PPP2R2B: variants seen among roughly 807,000 people sequenced by gnomAD.
PPP2R2B encodes the protein serine/threonine-protein phosphatase 2A 55 kDa regulatory subunit B beta isoform.
PPP2R2B carries 5 observed loss-of-function variants against 46.0 expected under a neutral mutation model. The observed-to-expected ratio is 0.11, with a 90% confidence interval of 0.06 to 0.23. The LOEUF (loss-of-function observed/expected upper bound fraction) is 0.23, where lower values mean the gene tolerates loss of function less well. Ranked by LOEUF, PPP2R2B falls within the 10% of genes least tolerant of loss-of-function variation. The pLI, the probability that PPP2R2B is intolerant of heterozygous loss-of-function variation, is 1.00. For missense variants in PPP2R2B, 367 were observed against 575.0 expected, an observed-to-expected ratio of 0.64 and a Z score of 3.70; for synonymous variants, 215 against 206.7, an observed-to-expected ratio of 1.04 and a Z score of -0.34.
intron 1 of PPP2R2B, among the ~76,000 whole-genome samples, chr5:146,911,004 AT>A (rs1161624377): frequency 6.6e-6 from 1 of 151,784 alleles, no homozygotes; most frequent in Non-Finnish European, 1.5e-5. Context: ...CCCTTTTCAT[AT>A]AGTTAACTCT....
At chr5:146,747,244 A>G (rs561810215) in intron 2 of PPP2R2B, among the ~76,000 whole-genome samples, 3 of 152,280 alleles carry the variant, frequency 2.0e-5, no homozygotes, top group Admixed American at 2.0e-4. Context: ...TAGCTGTGAG[A>G]CCATCCTGGG....
chr5:146,933,772 A>G (rs894890996), intron 1 of PPP2R2B, among the ~76,000 whole-genome samples: 3 of 150,426 alleles, frequency 2.0e-5, no homozygotes, highest in African/African-American at 4.9e-5. Flanking sequence ...ATGCTGGTGC[A>G]CTGCACCCAC....
intron 1 of PPP2R2B, among the ~76,000 whole-genome samples, chr5:147,031,545 A>C (rs189011662): frequency 1.3e-5 from 2 of 151,980 alleles, no homozygotes; most frequent in East Asian, 3.9e-4. Flanking sequence ...AATGGTTTTC[A>C]TAAATTTTAG....
At chr5:146,784,691 T>C (rs529001750) in intron 2 of PPP2R2B, among the ~76,000 whole-genome samples, 2 of 152,338 alleles carry the variant, frequency 1.3e-5, no homozygotes, top group East Asian at 3.9e-4. Context: ...TTTCTTTTTG[T>C]GTGGCTCTCA....
chr5:146,654,442 T>C (rs1776186186), intron 5 of PPP2R2B, among the ~76,000 whole-genome samples: 1 of 152,200 alleles, frequency 6.6e-6, no homozygotes, highest in Non-Finnish European at 1.5e-5. Flanking sequence ...TTGTGAAATA[T>C]CAGCAATCTC....
At chr5:146,824,347 C>T (rs1386156739) in intron 2 of PPP2R2B, among the ~76,000 whole-genome samples, 1 of 152,208 alleles carries the variant, frequency 6.6e-6, no homozygotes, top group Non-Finnish European at 1.5e-5. Context: ...ATTTGTGTTC[C>T]TCATGACCAT....
chr5:146,715,431 C>A lies in PPP2R2B; in HGVS notation c.71-14289G>T, dbSNP rs113825755. 2.8e-3 allele frequency among the ~76,000 whole-genome samples: 431 copies of A among 152,230 alleles called. 2 individuals carry two copies. Among genetic ancestry groups the A allele is most frequent in the African/African-American group, 9.8e-3 (406 of 41,544 alleles). Reference sequence around the variant, plus strand: ...AAGCATAGTTTTTCTTTGAAACTACCATTTATTGAGTTGGCCTACTGCAAG... The same window carrying A: ...AAGCATAGTTTTTCTTTGAAACTACAATTTATTGAGTTGGCCTACTGCAAG... On this transcript the variant is annotated intron_variant, in intron 2 of 9. Transcript: ENST00000394411.
chr5:146,785,379 T>G (rs1031385890), intron 2 of PPP2R2B, among the ~76,000 whole-genome samples: 3 of 152,094 alleles, frequency 2.0e-5, no homozygotes, highest in African/African-American at 7.2e-5. Flanking sequence ...AAACGCTGTC[T>G]CTACAAAAAA....
chr5:146,591,688 A>G (rs920678684), intron 9 of PPP2R2B, among the ~76,000 whole-genome samples: 3 of 152,072 alleles, frequency 2.0e-5, no homozygotes, highest in Non-Finnish European at 2.9e-5. Context: ...AAAAAAAAAA[A>G]AAGACTACCA....
At chr5:147,081,321 C>T in exon 1 of PPP2R2B, 1 of 1,532,426 alleles carries the variant, frequency 6.5e-7, no homozygotes, top group Non-Finnish European at 8.7e-7. Context: ...TCTGCAAGTA[C>T]CACGTCCTGC....
intron 2 of PPP2R2B, among the ~76,000 whole-genome samples, chr5:146,780,568 T>G (rs1466297150): frequency 6.6e-6 from 1 of 152,224 alleles, no homozygotes. Flanking sequence ...ATCTTTGGCA[T>G]ATTCCCCTTT....
chr5:147,029,888 ACCCAG>A lies in PPP2R2B; in HGVS notation c.79+25772_79+25776del, dbSNP rs879746106. On this transcript the variant is annotated intron_variant, in intron 1 of 8. Coordinates refer to the PPP2R2B transcript ENST00000336640. ...AAAATCAATCTCTATTGTTGAAGCT[ACCCAG>A]TCTCTGATATTCTGTTATGGCAGCC... 3.4e-3 allele frequency among the ~76,000 whole-genome samples: 517 copies of A among 152,298 alleles called. 1 individual carries two copies. Among genetic ancestry groups the A allele is most frequent in the Admixed American group, 5.2e-3 (80 of 15,302 alleles).
At chr5:146,670,605 CTT>C (rs1482573410) in intron 5 of PPP2R2B, among the ~76,000 whole-genome samples, 7 of 151,942 alleles carry the variant, frequency 4.6e-5, no homozygotes, top group African/African-American at 9.7e-5. Context: ...AAACAATTCT[CTT>C]GTTTTAGCCT....
chr5:146,830,003 T>C (rs1416869281), intron 2 of PPP2R2B, among the ~76,000 whole-genome samples: 1 of 152,308 alleles, frequency 6.6e-6, no homozygotes, highest in East Asian at 1.9e-4. Context: ...AATACCTACA[T>C]CATAGGATTG....
chr5:146,865,350 G>T (rs2151400612), intron 2 of PPP2R2B, among the ~76,000 whole-genome samples: 2 of 151,178 alleles, frequency 1.3e-5, no homozygotes, highest in African/African-American at 4.9e-5. Context: ...AGGAAATATA[G>T]CACATCAAAA....
At chr5:146,810,762 T>C (rs1400250632) in intron 2 of PPP2R2B, among the ~76,000 whole-genome samples, 3 of 151,992 alleles carry the variant, frequency 2.0e-5, no homozygotes, top group Non-Finnish European at 2.9e-5. Flanking sequence ...CTAGGGTACA[T>C]GTGCACAATG....
At chr5:146,927,380 C>T (rs1763816008) in intron 1 of PPP2R2B, among the ~76,000 whole-genome samples, 1 of 152,124 alleles carries the variant, frequency 6.6e-6, no homozygotes, top group Non-Finnish European at 1.5e-5. Context: ...TTGCTAGTGG[C>T]TCTAGAGCAA....
intron 1 of PPP2R2B, among the ~76,000 whole-genome samples, chr5:146,928,862 G>T (rs1025293657): frequency 6.6e-6 from 1 of 152,086 alleles, no homozygotes; most frequent in East Asian, 1.9e-4. Flanking sequence ...AGTCTGTCTT[G>T]CCACCTTCTT....
intron 2 of PPP2R2B, among the ~76,000 whole-genome samples, chr5:146,819,126 G>A (rs1667629398): frequency 6.6e-6 from 1 of 152,174 alleles, no homozygotes; most frequent in South Asian, 2.1e-4. Flanking sequence ...TCTTGCTCAG[G>A]CCTTGCTCTG....
Sources: gnomAD v4.1 joint callset for allele counts (sites outside exome capture counted in the v4.1 genomes callset) on GRCh38, gnomAD v4.1.1 for gene constraint, MANE v1.5 for transcripts, NCBI Gene and HGNC (gene_info 2026-07-23, HGNC 2026-07-21) for gene names.